The following LHPP variants were observed in gnomAD, a reference collection of about 807,000 sequenced individuals.
The protein encoded by LHPP is hLHPP.
A neutral mutation model predicts 30.3 loss-of-function variants in LHPP; 24 were observed. The ratio of observed to expected loss-of-function variants is 0.79; its 90% CI spans 0.57 to 1.11. The LOEUF is 1.11. Among genes scored for constraint, LHPP ranks in the 50% most tolerant of loss-of-function variants. The pLI is 0.00. For synonymous variants in LHPP, 150 were observed against 157.1 expected, an observed-to-expected ratio of 0.95 and a Z score of 0.34; for missense variants, 356 against 367.2, an observed-to-expected ratio of 0.97 and a Z score of 0.25.
intron 1 of LHPP, 79 bp from the exon 2 acceptor site, chr10:124,484,060 G>C: frequency 4.3e-6 from 6 of 1,408,918 alleles, no homozygotes; most frequent in Non-Finnish European, 4.9e-6. Flanking sequence ...GATGCCCTTC[G>C]AGAATCACCG....
intron 6 of LHPP, among the ~76,000 whole-genome samples, chr10:124,563,308 T>TCTTATTTTA (rs34347060): frequency 1.4e-5 from 2 of 145,730 alleles, no homozygotes; most frequent in African/African-American, 2.5e-5. Context: ...TCTCTCTCTC[T>TCTTATTTTA]TTTTCTTTTT....
In LHPP at chr10:124,593,711, G is replaced by C. The variant is rs139620602; in HGVS notation, c.717-19553G>C. Among the ~76,000 whole-genome samples, 480 of 152,356 alleles carry C rather than the reference G, an allele frequency of 3.2e-3. 2 individuals are homozygous for C. The highest frequency in any genetic ancestry group is 0.011 in the African/African-American group (453 of 41,588). ...CCAGTGGCGGTGGCTGAGGAGAGGG[G>C]TTGGGGCGAGGACCAGCTCTGGGCA... is the stretch of plus-strand genomic sequence containing the variant. On this transcript the variant is annotated intron_variant, in intron 6 of 6. Coordinates refer to ENST00000368842, the MANE Select transcript of LHPP (RefSeq NM_022126.4). This position sits in a 1 kb window ranked among gnomAD's most constrained non-coding sequence, Gnocchi z 4.9.
rs1383683247 is a variant in LHPP at position 124,596,678 on chromosome 10, G to A, written c.717-16586G>A. Among the ~76,000 whole-genome samples, 1 of 152,228 alleles carries A rather than the reference G, an allele frequency of 6.6e-6. No individual in the cohort carries two copies. The highest frequency in any genetic ancestry group is 2.4e-5 in the African/African-American group (1 of 41,468). ...GGAGGAGCAGCCTGGCCTATGAGCA[G>A]GGGGACACCATGAAGCTGGGTGGAC... is the stretch of plus-strand genomic sequence containing the variant. On this transcript the variant is annotated intron_variant, in intron 6 of 6. Transcript: ENST00000368842. This position sits in a 1 kb window ranked among gnomAD's most constrained non-coding sequence, Gnocchi z 4.6.
intron 2 of LHPP, among the ~76,000 whole-genome samples, chr10:124,488,159 T>C (rs966801036): frequency 3.9e-5 from 6 of 152,192 alleles, no homozygotes; most frequent in Non-Finnish European, 5.9e-5. Context: ...AGGGAGCTCC[T>C]GGGGCTGATG....
At chr10:124,574,331 G>T (rs763737371) in intron 6 of LHPP, among the ~76,000 whole-genome samples, 53 of 152,210 alleles carry the variant, frequency 3.5e-4, no homozygotes, top group Non-Finnish European at 7.2e-4. Context: ...TCGCCCCCCT[G>T]CGAGGGCGCG....
chr10:124,562,913 C>T (rs1265858027), intron 6 of LHPP, among the ~76,000 whole-genome samples: 1 of 108,586 alleles, frequency 9.2e-6, no homozygotes, highest in Non-Finnish European at 1.9e-5. Flanking sequence ...GCCTGGGCGA[C>T]AAAACAAGAA....
At chr10:124,497,129 C>A in intron 4 of LHPP, 105 bp downstream of exon 4, 1 of 935,352 alleles carries the variant, frequency 1.1e-6, no homozygotes, top group Non-Finnish European at 1.7e-6. Context: ...GTACAAATGG[C>A]CTTTTGGGCT....
chr10:124,554,505 T>G (rs1948253868), intron 6 of LHPP, among the ~76,000 whole-genome samples: 1 of 152,230 alleles, frequency 6.6e-6, no homozygotes, highest in Non-Finnish European at 1.5e-5. Flanking sequence ...CTGGACTCAG[T>G]TTCTATAATG....
chr10:124,608,156 G>A (rs1295812714), intron 6 of LHPP, among the ~76,000 whole-genome samples: 1 of 152,132 alleles, frequency 6.6e-6, no homozygotes, highest in Admixed American at 6.5e-5. Context: ...CTAGGGTCCT[G>A]CTTGGAGCCT....
intron 5 of LHPP, among the ~76,000 whole-genome samples, chr10:124,506,082 A>G (rs1221181226): frequency 6.6e-6 from 1 of 152,068 alleles, no homozygotes; most frequent in African/African-American, 2.4e-5. Context: ...TGTCTCTACA[A>G]AAAAATACAA....
At chr10:124,542,596 G>A (rs969024311) in intron 6 of LHPP, among the ~76,000 whole-genome samples, 1 of 152,156 alleles carries the variant, frequency 6.6e-6, no homozygotes, top group Non-Finnish European at 1.5e-5. Context: ...CAGAGAGAGG[G>A]GCAGGCTGGT....
At chr10:124,568,251 C>A (rs774358155) in intron 6 of LHPP, among the ~76,000 whole-genome samples, 3 of 152,090 alleles carry the variant, frequency 2.0e-5, no homozygotes, top group Admixed American at 1.3e-4. Flanking sequence ...GAATAACATA[C>A]CTACGGAGCC....
chr10:124,595,488 C>T (rs1175383398), intron 6 of LHPP, among the ~76,000 whole-genome samples: 1 of 152,236 alleles, frequency 6.6e-6, no homozygotes, highest in African/African-American at 2.4e-5. Context: ...GTCCCTCACA[C>T]CCTGGCCTGT....
At chr10:124,516,094 T>C (rs919155154) in intron 5 of LHPP, among the ~76,000 whole-genome samples, 1 of 152,270 alleles carries the variant, frequency 6.6e-6, no homozygotes, top group African/African-American at 2.4e-5. Flanking sequence ...CAGCCCAGTC[T>C]GTCATACAAA....
chr10:124,565,265 T>C (rs1948469191), intron 6 of LHPP, among the ~76,000 whole-genome samples: 1 of 151,302 alleles, frequency 6.6e-6, no homozygotes, highest in Admixed American at 6.6e-5. Flanking sequence ...CAGTAGGGGG[T>C]TTTGTTTGTT....
At chr10:124,526,704 C>T (rs901319356) in intron 6 of LHPP, among the ~76,000 whole-genome samples, 2 of 152,214 alleles carry the variant, frequency 1.3e-5, no homozygotes, top group African/African-American at 4.8e-5. Flanking sequence ...AGGGCAGGCC[C>T]TGAAGTTGGT....
At chr10:124,601,594 G>T (rs1949022149) in intron 6 of LHPP, among the ~76,000 whole-genome samples, 1 of 152,234 alleles carries the variant, frequency 6.6e-6, no homozygotes. Flanking sequence ...AGCCCCTGCG[G>T]TGCCCGCAGT....
intron 6 of LHPP, among the ~76,000 whole-genome samples, chr10:124,574,528 T>C (rs1332113751): frequency 6.6e-6 from 1 of 152,186 alleles, no homozygotes; most frequent in African/African-American, 2.4e-5. Context: ...GCTTCAGACC[T>C]GGAGCCTGCT....
chr10:124,599,326 C>T (rs1465651466), intron 6 of LHPP, among the ~76,000 whole-genome samples: 2 of 152,274 alleles, frequency 1.3e-5, no homozygotes, highest in Non-Finnish European at 2.9e-5. Flanking sequence ...GCCATGCCCA[C>T]GACCTGCACC....
Sources: gnomAD v4.1 joint callset for allele counts (sites outside exome capture counted in the v4.1 genomes callset) on GRCh38, gnomAD v4.1.1 for gene constraint, Gnocchi (gnomAD v3.1) non-coding constraint, MANE v1.5 for transcripts, NCBI Gene and HGNC (gene_info 2026-07-23, HGNC 2026-07-21) for gene names.